Variants in PITPNC1 observed in about 807,000 individuals in gnomAD.
The protein encoded by PITPNC1 is cytoplasmic phosphatidylinositol transfer protein 1.
A neutral mutation model predicts 44.7 loss-of-function variants in PITPNC1; 18 were observed. The observed-to-expected ratio is 0.40, with a 90% CI of 0.28 to 0.60. The LOEUF is 0.60. PITPNC1 is among the 20% of genes least tolerant of loss of function. The pLI is 0.39. For missense variants in PITPNC1, 290 were observed against 418.4 expected, an observed-to-expected ratio of 0.69 and a Z score of 2.68; for synonymous variants, 141 against 149.6, an observed-to-expected ratio of 0.94 and a Z score of 0.42.
intron 1 of PITPNC1, among the ~76,000 whole-genome samples, chr17:67,512,364 G>C (rs1160726037): frequency 6.6e-6 from 1 of 152,122 alleles, no homozygotes; most frequent in Non-Finnish European, 1.5e-5. Context: ...AGTCAGGCGT[G>C]ATGATGGGTG....
At chr17:67,478,125 G>A (rs997190804) in intron 1 of PITPNC1, among the ~76,000 whole-genome samples, 1 of 152,086 alleles carries the variant, frequency 6.6e-6, no homozygotes, top group Non-Finnish European at 1.5e-5. Flanking sequence ...GAAATAGAAG[G>A]TACTCAGTAG....
intron 1 of PITPNC1, among the ~76,000 whole-genome samples, chr17:67,451,535 C>G (rs118104110): frequency 6.6e-6 from 1 of 152,090 alleles, no homozygotes. Flanking sequence ...CCCTGATCCC[C>G]GGCAACTAGT....
intron 1 of PITPNC1, among the ~76,000 whole-genome samples, chr17:67,487,282 C>A (rs1264312039): frequency 6.6e-6 from 1 of 152,052 alleles, no homozygotes; most frequent in Non-Finnish European, 1.5e-5. Context: ...TCAAGCAATT[C>A]TCTTGCCACA....
At chr17:67,664,322 A>C (rs1567766433) in intron 6 of PITPNC1, among the ~76,000 whole-genome samples, 1 of 152,204 alleles carries the variant, frequency 6.6e-6, no homozygotes, top group Admixed American at 6.5e-5. Flanking sequence ...CCTATTCTGT[A>C]TCCATTCATC....
chr17:67,406,218 C>T (rs2038397868), intron 1 of PITPNC1, among the ~76,000 whole-genome samples: 1 of 152,100 alleles, frequency 6.6e-6, no homozygotes, highest in African/African-American at 2.4e-5. Context: ...TCATCACGCA[C>T]TACAGCCTTG....
At chr17:67,427,781 A>G (rs567028660) in intron 1 of PITPNC1, among the ~76,000 whole-genome samples, 2 of 152,320 alleles carry the variant, frequency 1.3e-5, no homozygotes, top group South Asian at 4.1e-4. Context: ...TGAAAATGTT[A>G]ATGGTGGAAT....
intron 4 of PITPNC1, among the ~76,000 whole-genome samples, chr17:67,562,284 C>T (rs979710347): frequency 1.3e-5 from 2 of 152,106 alleles, no homozygotes; most frequent in African/African-American, 4.8e-5. Context: ...TGAGGAGCAG[C>T]GGAGAGGCCC....
At chr17:67,685,234 T>G (rs1174940336) in intron 8 of PITPNC1, among the ~76,000 whole-genome samples, 1 of 152,254 alleles carries the variant, frequency 6.6e-6, no homozygotes, top group Non-Finnish European at 1.5e-5. Flanking sequence ...ACCTCGATTT[T>G]CTAAAAGAAG....
chr17:67,693,525 C>A lies in PITPNC1; in HGVS notation c.*637C>A, dbSNP rs942630087. 5 of 152,588 alleles carry A rather than the reference C, an allele frequency of 3.3e-5. No individual in the cohort carries two copies. Among genetic ancestry groups the A allele is most frequent in the African/African-American group, 1.2e-4 (5 of 41,432 alleles). The allele number at this position is 152,588 out of a possible 1,614,324, so 9.5% of individuals were successfully genotyped here. A position where few individuals can be genotyped will look rare whatever the true frequency, so the allele number is the denominator to read the frequency against. On this transcript the variant is annotated 3_prime_UTR_variant, in exon 9 of 9. Coordinates refer to ENST00000581322, the MANE Select transcript of PITPNC1 (RefSeq NM_012417.4). Reference sequence around the variant, plus strand: ...TAATAAAGATTCTACTTGTTTCTGTCTTTTAATAACTTTCCCCTTTTGTGC... The same window carrying A: ...TAATAAAGATTCTACTTGTTTCTGTATTTTAATAACTTTCCCCTTTTGTGC...
intron 1 of PITPNC1, among the ~76,000 whole-genome samples, chr17:67,437,255 G>A (rs773162834): frequency 3.9e-5 from 6 of 152,000 alleles, no homozygotes; most frequent in Non-Finnish European, 7.4e-5. Context: ...TTAGTGAAGG[G>A]CCTCAAGATG....
At chr17:67,579,061 G>A (rs768794429) in intron 5 of PITPNC1, among the ~76,000 whole-genome samples, 72 of 152,318 alleles carry the variant, frequency 4.7e-4, no homozygotes, top group East Asian at 7.7e-4. Context: ...ACACACATGC[G>A]GTGTATGTAT....
intron 2 of PITPNC1, among the ~76,000 whole-genome samples, chr17:67,544,355 C>T (rs201560750): frequency 4.6e-5 from 7 of 151,732 alleles, no homozygotes; most frequent in African/African-American, 9.6e-5. Context: ...TTCACTTCGT[C>T]GCTAGCATCT....
intron 1 of PITPNC1, among the ~76,000 whole-genome samples, chr17:67,497,854 T>A (rs1274603526): frequency 1.3e-5 from 2 of 148,838 alleles, no homozygotes; most frequent in Non-Finnish European, 3.0e-5. Flanking sequence ...CACTTGTGTA[T>A]TTTTCTTTCT....
intron 5 of PITPNC1, among the ~76,000 whole-genome samples, chr17:67,595,456 T>G (rs1393708764): frequency 6.6e-6 from 1 of 152,108 alleles, no homozygotes; most frequent in East Asian, 1.9e-4. Flanking sequence ...ATTTTAGTTT[T>G]TTTTTTTTTT....
At chr17:67,683,919 G>A (rs1231667168) in intron 8 of PITPNC1, among the ~76,000 whole-genome samples, 5 of 150,728 alleles carry the variant, frequency 3.3e-5, no homozygotes, top group African/African-American at 7.3e-5. Context: ...CAGAGGTTGC[G>A]GTGAGCTGAA....
intron 6 of PITPNC1, among the ~76,000 whole-genome samples, chr17:67,654,015 G>C (rs547818001): frequency 1.3e-5 from 2 of 152,262 alleles, no homozygotes; most frequent in African/African-American, 4.8e-5. Context: ...CTGGGACCAC[G>C]AGGTTCCAGA....
At chr17:67,609,438 C>T (rs576416490) in intron 5 of PITPNC1, among the ~76,000 whole-genome samples, 9 of 151,762 alleles carry the variant, frequency 5.9e-5, no homozygotes, top group Non-Finnish European at 8.8e-5. Flanking sequence ...TACAGGCATG[C>T]GCCACCATGC....
At chr17:67,631,053 GTTATTATTATTATTATTATTA>G (rs56142240) in intron 5 of PITPNC1, among the ~76,000 whole-genome samples, 3 of 127,768 alleles carry the variant, frequency 2.3e-5, no homozygotes, top group Non-Finnish European at 3.3e-5. Flanking sequence ...TGTTGTTGTT[GTTATTATTATTATTATTATTA>G]TTATTATTAT....
intron 4 of PITPNC1, among the ~76,000 whole-genome samples, chr17:67,568,371 A>G (rs2041009241): frequency 6.6e-6 from 1 of 152,170 alleles, no homozygotes; most frequent in African/African-American, 2.4e-5. Flanking sequence ...GTGACTGCTG[A>G]TGGATACAGG....
Sources: gnomAD v4.1 joint callset for allele counts (sites outside exome capture counted in the v4.1 genomes callset) on GRCh38, gnomAD v4.1.1 for gene constraint, MANE v1.5 for transcripts, NCBI Gene and HGNC (gene_info 2026-07-23, HGNC 2026-07-21) for gene names.